Variants in SMARCB1 observed in about 807,000 individuals in gnomAD.
SMARCB1 encodes SWI/SNF related BAF chromatin remodeling complex subunit B1.
Under a neutral mutation model 49.0 loss-of-function variants are expected in SMARCB1, and 5 were observed. The ratio of observed to expected loss-of-function variants is 0.10; its 90% CI spans 0.05 to 0.21. SMARCB1 has a LOEUF of 0.21. SMARCB1 is among the 10% of genes least tolerant of loss of function. The probability of loss-of-function intolerance (pLI) is 1.00; values close to 1 mark genes in which losing one functional copy is unlikely to be tolerated. For missense variants in SMARCB1, 226 were observed against 509.2 expected (o/e 0.44, Z 5.35); for synonymous variants, 201 against 200.1 (o/e 1.00, Z -0.04).
chr22:23,789,966 T>C (rs1391646122), intron 1 of SMARCB1, among the ~76,000 whole-genome samples: 2 of 152,160 alleles, frequency 1.3e-5, no homozygotes, highest in Non-Finnish European at 2.9e-5. Context: ...GTCACTGTTC[T>C]GCCATTAACA....
In SMARCB1 at chr22:23,836,557, G is replaced by C; in HGVS notation, c.*2377G>C. The C allele has an allele frequency of 1.8e-6, 2 of 1,090,080 alleles. No individual in the cohort carries two copies. Among genetic ancestry groups the C allele is most frequent in the Non-Finnish European group, 2.2e-6 (2 of 899,012 alleles). The allele number at this position is 1,090,080 out of a possible 1,614,324, so 67.5% of individuals were successfully genotyped here. On this transcript the variant is annotated 3_prime_UTR_variant, in exon 9 of 9. Transcript: ENST00000644036. Reference sequence around the variant, plus strand: ...CCTGTGAGCTCAAAAGCTCTGCCTGGCAACCTGTGAGCTCAAAGCTCTGCC... The same window carrying C: ...CCTGTGAGCTCAAAAGCTCTGCCTGCCAACCTGTGAGCTCAAAGCTCTGCC...
At position 23,787,159 on chromosome 22, in the gene SMARCB1, C is replaced by G. The variant is rs753903024; in HGVS notation, c.-11C>G. The G allele has an allele frequency of 3.6e-5, 58 of 1,596,548 alleles. No homozygotes were observed. The highest frequency in any genetic ancestry group is 4.5e-5 in the Non-Finnish European group (52 of 1,167,066). On this transcript the variant is annotated 5_prime_UTR_variant, in exon 1 of 9. Transcript: ENST00000644036. Reference sequence around the variant, plus strand: ...GCAGCCCGGCTCCGGCCGCCCGCCTCTGCCGCCGCAATGATGATGATGGCG... The same window carrying G: ...GCAGCCCGGCTCCGGCCGCCCGCCTGTGCCGCCGCAATGATGATGATGGCG...
intron 5 of SMARCB1, among the ~76,000 whole-genome samples, chr22:23,809,920 C>T (rs980747920): frequency 1.8e-4 from 27 of 151,966 alleles, no homozygotes; most frequent in African/African-American, 6.5e-4. Context: ...CCTGTAATCC[C>T]TGCACTTTGG....
intron 5 of SMARCB1, 43 bp downstream of exon 5, chr22:23,803,465 G>C (rs745580952): frequency 1.9e-6 from 3 of 1,611,058 alleles, no homozygotes; most frequent in East Asian, 4.5e-5. Flanking sequence ...CCCAACCCCT[G>C]TGTGTTACGT....
chr22:23,837,738 AGT>A lies in SMARCB1; in HGVS notation c.*3560_*3561del. On this transcript the variant is annotated 3_prime_UTR_variant, in exon 9 of 9. Coordinates refer to ENST00000644036, the MANE Select transcript of SMARCB1 (RefSeq NM_003073.5). Reference sequence around the variant, plus strand: ...CCCAAGGCAGGAACGGTGCCTGGAAAGTGAGCAGGCCGAAGAAGTTGACCCTC... The same window carrying A: ...CCCAAGGCAGGAACGGTGCCTGGAAAGAGCAGGCCGAAGAAGTTGACCCTC... 6.2e-7 allele frequency: 1 copy of A among 1,614,056 alleles called. No homozygotes were observed. Among genetic ancestry groups the A allele is most frequent in the Non-Finnish European group, 8.5e-7 (1 of 1,180,010 alleles).
intron 2 of SMARCB1, 153 bp from the exon 3 acceptor site, chr22:23,793,406 T>G (rs2145963184): frequency 3.7e-6 from 3 of 819,546 alleles, no homozygotes; most frequent in Non-Finnish European, 6.4e-6. Context: ...AGATTGCCCT[T>G]TTGGAAGAGG....
chr22:23,835,861 C>CCCT lies in SMARCB1; in HGVS notation c.*1683_*1685dup. The CCCT allele has an allele frequency of 3.9e-6, 3 of 763,656 alleles. No homozygotes were observed. The highest frequency in any genetic ancestry group is 4.6e-6 in the Non-Finnish European group (3 of 648,820). The allele number at this position is 763,656 out of a possible 1,614,324, so 47.3% of individuals were successfully genotyped here. On this transcript the variant is annotated 3_prime_UTR_variant, in exon 9 of 9. Coordinates refer to ENST00000644036, the MANE Select transcript of SMARCB1 (RefSeq NM_003073.5). ...GCTGGGAGGTGCCGGGAAGGCTGGG[C>CCCT]CCTCACTCCTGACCGCCAGCTCACA...
intron 5 of SMARCB1, among the ~76,000 whole-genome samples, chr22:23,811,844 A>G (rs933249163): frequency 1.3e-5 from 2 of 152,266 alleles, no homozygotes; most frequent in Non-Finnish European, 2.9e-5. Context: ...GCAGAAATCA[A>G]TGACATTGAA....
chr22:23,834,742 A>T lies in SMARCB1; in HGVS notation c.*562A>T. The stretch of plus-strand genomic sequence containing the variant: ...GCCTGTTCTCCTTCCAGACCCAGAG[A>T]GCTGAGAAGAGTAGCTGTGAGGCTC... On this transcript the variant is annotated 3_prime_UTR_variant, in exon 9 of 9. Transcript: ENST00000644036. 1 of 1,485,866 alleles carries T rather than the reference A, an allele frequency of 6.7e-7. No individual in the cohort carries two copies. Among genetic ancestry groups the T allele is most frequent in the Non-Finnish European group, 9.0e-7 (1 of 1,114,790 alleles). The allele number at this position is 1,485,866 out of a possible 1,614,324, so 92.0% of individuals were successfully genotyped here.
intron 3 of SMARCB1, among the ~76,000 whole-genome samples, chr22:23,800,293 G>A (rs1929060484): frequency 6.6e-6 from 1 of 152,232 alleles, no homozygotes; most frequent in Admixed American, 6.5e-5. Context: ...AATTACCTTG[G>A]ATGTCACCTC....
chr22:23,836,975 G>C lies in SMARCB1; in HGVS notation c.*2795G>C. ...CAGGAGCAGCTTTCTGTGGGGAGGG[G>C]CCCGTGTTGAGCACAGGCCAGCACA... On this transcript the variant is annotated 3_prime_UTR_variant, in exon 9 of 9. Transcript: ENST00000644036. The C allele has an allele frequency of 6.2e-7, 1 of 1,604,144 alleles. No individual in the cohort carries two copies. The highest frequency in any genetic ancestry group is 8.5e-7 in the Non-Finnish European group (1 of 1,175,430).
rs34368167 is a variant in SMARCB1 at position 23,812,865 on chromosome 22, ATT to A, written c.629-3888_629-3887del. ...ATTTAGTACAAAAAGTCCTGTTGCT[ATT>A]TTTTTTTTTTTTTTTTAGACGGAGT... On this transcript the variant is annotated intron_variant, in intron 5 of 8. Transcript: ENST00000644036. Among the ~76,000 whole-genome samples, 844 of 137,768 alleles carry A rather than the reference ATT, an allele frequency of 6.1e-3. 7 individuals carry two copies. The highest frequency in any genetic ancestry group is 0.021 in the African/African-American group (792 of 37,738). The allele number at this position is 137,768 out of a possible 152,430, so 90.4% of individuals were successfully genotyped here.
chr22:23,800,379 C>T (rs898407588), intron 3 of SMARCB1, among the ~76,000 whole-genome samples: 1 of 152,242 alleles, frequency 6.6e-6, no homozygotes, highest in Admixed American at 6.5e-5. Context: ...TTGCCTAGTC[C>T]ATCTCAGGAT....
intron 6 of SMARCB1, among the ~76,000 whole-genome samples, chr22:23,819,785 G>T (rs530987325): frequency 6.6e-6 from 1 of 151,376 alleles, no homozygotes; most frequent in East Asian, 2.0e-4. Flanking sequence ...AAGGCGCAGG[G>T]GTTCCAGTTT....
rs200078402 is a variant in SMARCB1 at position 23,834,111 on chromosome 22, G to A, written c.1119-30G>A. ...AGCGCCCAGGCTGGGAGCTGGCCCC[G>A]ACTCATTGCCCTCCCCACTCCTCTT... On this transcript the variant is annotated intron_variant, in intron 8 of 8. Transcript: ENST00000644036. 7.8e-5 allele frequency: 122 copies of A among 1,570,140 alleles called. 1 individual carries two copies. The African/African-American group carries it at 1.4e-3, about 18-fold the overall frequency.
intron 3 of SMARCB1, among the ~76,000 whole-genome samples, chr22:23,798,911 G>A (rs1011314767): frequency 1.2e-4 from 18 of 152,136 alleles, no homozygotes; most frequent in East Asian, 7.7e-4. Flanking sequence ...TTAGCCGGGC[G>A]TGGTGGTGGG....
At chr22:23,819,447 G>A (rs2029957643) in intron 6 of SMARCB1, among the ~76,000 whole-genome samples, 1 of 151,996 alleles carries the variant, frequency 6.6e-6, no homozygotes. Context: ...TCCTGCTTCA[G>A]CTTCCTGAGT....
intron 7 of SMARCB1, among the ~76,000 whole-genome samples, chr22:23,827,946 G>A (rs73881837): frequency 0.041 from 6,174 of 152,294 alleles, 362 homozygotes; most frequent in African/African-American, 0.12. Flanking sequence ...AGGAGGCTGG[G>A]CCACTGAGTC....
At chr22:23,807,309 A>T (rs1929553221) in intron 5 of SMARCB1, among the ~76,000 whole-genome samples, 1 of 152,194 alleles carries the variant, frequency 6.6e-6, no homozygotes, top group Admixed American at 6.5e-5. Context: ...GGCTCTAAAA[A>T]AGTTAAATGA....
Sources: allele counts gnomAD v4.1 joint callset (sites outside exome capture counted in the v4.1 genomes callset), GRCh38; gene constraint gnomAD v4.1.1; transcripts MANE v1.5; gene names NCBI Gene and HGNC (gene_info 2026-07-23, HGNC 2026-07-21).